PTPRD: variants seen among roughly 807,000 people sequenced by gnomAD.
PTPRD encodes the protein protein tyrosine phosphatase receptor type D.
Under a neutral mutation model 214.5 loss-of-function variants are expected in PTPRD, and 34 were observed. The ratio of observed to expected loss-of-function variants is 0.16; its 90% CI spans 0.12 to 0.21. PTPRD has a LOEUF of 0.21. PTPRD is among the 10% of genes least tolerant of loss of function. The probability of loss-of-function intolerance (pLI) is 1.00; values close to 1 mark genes in which losing one functional copy is unlikely to be tolerated. For missense variants in PTPRD, 2,545 were observed against 2,398.7 expected (o/e 1.06, Z -1.27); for synonymous variants, 1,128 against 845.7 (o/e 1.33, Z -5.79).
chr9:10,596,361 T>C (rs2076628557), intron 2 of PTPRD, among the ~76,000 whole-genome samples: 1 of 151,692 alleles, frequency 6.6e-6, no homozygotes, highest in Admixed American at 6.6e-5. Context: ...TACACACACA[T>C]ATATGTTAGC....
chr9:10,138,007 C>G (rs1049175212), intron 3 of PTPRD, among the ~76,000 whole-genome samples: 7 of 151,708 alleles, frequency 4.6e-5, no homozygotes, highest in African/African-American at 1.7e-4. Context: ...CAAACTAATC[C>G]CAAAGCTAGC....
intron 3 of PTPRD, among the ~76,000 whole-genome samples, chr9:10,218,460 T>C (rs1035088081): frequency 6.6e-6 from 1 of 151,898 alleles, no homozygotes; most frequent in African/African-American, 2.4e-5. Context: ...CACTTCAAAA[T>C]TTTTAGCCTT....
intron 21 of PTPRD, among the ~76,000 whole-genome samples, chr9:8,513,698 C>T (rs1208930854): frequency 6.6e-6 from 1 of 151,986 alleles, no homozygotes; most frequent in Non-Finnish European, 1.5e-5. Flanking sequence ...ATTCTTTAGT[C>T]AGTAACTTTC....
At chr9:8,456,389 G>C (rs2096203539) in intron 33 of PTPRD, among the ~76,000 whole-genome samples, 1 of 152,062 alleles carries the variant, frequency 6.6e-6, no homozygotes, top group South Asian at 2.1e-4. Flanking sequence ...TGATTTAGTA[G>C]GTAGCATCCT....
intron 5 of PTPRD, among the ~76,000 whole-genome samples, chr9:9,845,343 T>C (rs1410780822): frequency 2.0e-5 from 3 of 151,432 alleles, no homozygotes; most frequent in East Asian, 3.9e-4. Context: ...ATAACTTGAA[T>C]GATCTTGTCC....
chr9:9,046,728 G>A (rs1228770518), intron 10 of PTPRD, among the ~76,000 whole-genome samples: 2 of 152,054 alleles, frequency 1.3e-5, no homozygotes, highest in Admixed American at 6.6e-5. Flanking sequence ...ATTGTATTTG[G>A]GAAAGCAACC....
intron 4 of PTPRD, among the ~76,000 whole-genome samples, chr9:10,000,273 T>G (rs576435729): frequency 6.6e-6 from 1 of 152,238 alleles, no homozygotes; most frequent in African/African-American, 2.4e-5. Context: ...CAAATTACAC[T>G]GTTAGTTATA....
At chr9:9,807,201 T>C (rs541959694) in intron 5 of PTPRD, among the ~76,000 whole-genome samples, 1 of 152,212 alleles carries the variant, frequency 6.6e-6, no homozygotes, top group East Asian at 1.9e-4. Context: ...AAGAATTGAG[T>C]TGCTACAGGA....
At chr9:9,293,061 A>T (rs1951730526) in intron 9 of PTPRD, among the ~76,000 whole-genome samples, 1 of 151,478 alleles carries the variant, frequency 6.6e-6, no homozygotes, top group East Asian at 2.0e-4. Flanking sequence ...CTCTATCCTC[A>T]CGTACACGTT....
At chr9:10,125,672 C>G (rs548481995) in intron 3 of PTPRD, among the ~76,000 whole-genome samples, 1 of 144,038 alleles carries the variant, frequency 6.9e-6, no homozygotes, top group African/African-American at 2.6e-5. Context: ...TTAGTAGAGA[C>G]GGGGTTTCAC....
At chr9:9,434,466 T>C (rs549539114) in intron 8 of PTPRD, among the ~76,000 whole-genome samples, 1 of 152,258 alleles carries the variant, frequency 6.6e-6, no homozygotes, top group East Asian at 1.9e-4. Context: ...TTTTATGCAA[T>C]CCCTATCAAT....
At chr9:10,233,787 G>C (rs1034669367) in intron 3 of PTPRD, among the ~76,000 whole-genome samples, 1 of 151,764 alleles carries the variant, frequency 6.6e-6, no homozygotes, top group African/African-American at 2.4e-5. Context: ...ATAACGCCTG[G>C]ACTATTTTTA....
chr9:10,143,460 G>T (rs1210503901), intron 3 of PTPRD, among the ~76,000 whole-genome samples: 1 of 151,990 alleles, frequency 6.6e-6, no homozygotes, highest in African/African-American at 2.4e-5. Flanking sequence ...CACTGTTGGT[G>T]GGGATCTAAC....
chr9:8,364,443 T>G (rs1588727401), intron 39 of PTPRD, among the ~76,000 whole-genome samples: 1 of 152,232 alleles, frequency 6.6e-6, no homozygotes, highest in Admixed American at 6.5e-5. Context: ...CAATAGCATC[T>G]GCTGCAGCTG....
chr9:10,379,141 G>C (rs187938118), intron 2 of PTPRD, among the ~76,000 whole-genome samples: 2 of 151,024 alleles, frequency 1.3e-5, no homozygotes, highest in Non-Finnish European at 3.0e-5. Flanking sequence ...ATAGAGAAAT[G>C]CTACTGATTT....
chr9:8,853,873 C>T (rs1357633067), intron 11 of PTPRD, among the ~76,000 whole-genome samples: 1 of 152,042 alleles, frequency 6.6e-6, no homozygotes, highest in African/African-American at 2.4e-5. Context: ...AGAAACTGAA[C>T]AGTAGAAAGA....
At position 9,469,976 on chromosome 9, in the gene PTPRD, G is replaced by C. The variant is rs151171522; in HGVS notation, c.-236-72494C>G. On this transcript the variant is annotated intron_variant, in intron 8 of 45. Transcript: ENST00000381196. ...AAGGAGGTTTTTGCTTTGCCTGATT[G>C]TTACTTCTAGTAAAAGAAAATGAAT... is the stretch of plus-strand genomic sequence containing the variant. 4.3e-3 allele frequency among the ~76,000 whole-genome samples: 652 copies of C among 152,242 alleles called. 3 individuals carry two copies. The highest frequency in any genetic ancestry group is 0.014 in the African/African-American group (593 of 41,536).
Position 9,328,618 on chromosome 9 carries a change from CTTTTTTTTTTTTTTTTTTTTTTTTT to C in PTPRD, c.-203+68806_-203+68830del, listed in dbSNP as rs869076374. 2.1e-4 allele frequency among the ~76,000 whole-genome samples: 6 copies of C among 28,214 alleles called. No individual in the cohort carries two copies. In the Admixed American group the frequency reaches 2.9e-3, roughly 14 times the overall value. 18.5% of individuals were successfully genotyped at this position (28,214 alleles called of 152,430 possible). On this transcript the variant is annotated intron_variant, in intron 9 of 45. Coordinates refer to ENST00000381196, the MANE Select transcript of PTPRD (RefSeq NM_002839.4). ...ACATTTTCTTTTGTTGTTGTTCTTG[CTTTTTTTTTTTTTTTTTTTTTTTTT>C]TTTTTTTTTTTTGAGATAGAGTCTT... is the stretch of plus-strand genomic sequence containing the variant.
intron 3 of PTPRD, among the ~76,000 whole-genome samples, chr9:10,078,737 C>G (rs540799976): frequency 2.0e-5 from 3 of 152,044 alleles, no homozygotes; most frequent in African/African-American, 7.2e-5. Context: ...TCAAAATGTG[C>G]CTCCTAGGAA....
Sources: gnomAD v4.1 joint callset for allele counts (sites outside exome capture counted in the v4.1 genomes callset) on GRCh38, gnomAD v4.1.1 for gene constraint, MANE v1.5 for transcripts, NCBI Gene and HGNC (gene_info 2026-07-23, HGNC 2026-07-21) for gene names.